Variants in SP140 observed in about 807,000 individuals in gnomAD.
SP140 encodes the protein nuclear body protein SP140.
A neutral mutation model predicts 125.0 loss-of-function variants in SP140; 81 were observed. The ratio of observed to expected loss-of-function variants is 0.65; its 90% CI spans 0.54 to 0.78. The LOEUF is 0.78. Among genes scored for constraint, SP140 ranks in the 30% least tolerant of loss-of-function variants. SP140 has a pLI of 0.00. For synonymous variants in SP140, 312 were observed against 354.0 expected, an observed-to-expected ratio of 0.88 and a Z score of 1.33; for missense variants, 858 against 1,037.0, an observed-to-expected ratio of 0.83 and a Z score of 2.37.
intron 10 of SP140, 100 bp downstream of exon 10, chr2:230,251,161 C>A: frequency 1.1e-6 from 1 of 948,664 alleles, no homozygotes; most frequent in Non-Finnish European, 1.6e-6. Flanking sequence ...GTATACTTCA[C>A]AGTGAAAGAA....
intron 1 of SP140, among the ~76,000 whole-genome samples, chr2:230,233,317 A>G (rs994944541): frequency 6.6e-6 from 1 of 152,096 alleles, no homozygotes; most frequent in African/African-American, 2.4e-5. Flanking sequence ...TCCTCACTCA[A>G]TTTAAAAAAC....
chr2:230,215,144 A>G (rs41309084), intron 3 of SP140: 442 of 1,566,922 alleles, frequency 2.8e-4, no homozygotes, highest in Non-Finnish European at 3.8e-4. Context: ...GAAGGTTTTT[A>G]TAAATGACTA....
intron 22 of SP140, among the ~76,000 whole-genome samples, chr2:230,301,038 A>C (rs991640233): frequency 2.0e-5 from 3 of 152,336 alleles, no homozygotes; most frequent in African/African-American, 7.2e-5. Context: ...GACTAGAACA[A>C]GTAGAAGAAT....
intron 20 of SP140, among the ~76,000 whole-genome samples, chr2:230,293,744 C>T (rs2057388041): frequency 6.6e-6 from 1 of 152,228 alleles, no homozygotes; most frequent in South Asian, 2.1e-4. Context: ...ATTGATTGAC[C>T]TGTCATGGGC....
At position 230,255,547 on chromosome 2, in the gene SP140, G is replaced by T. The variant is rs566176495; in HGVS notation, c.1240+15G>T. On this transcript the variant is annotated intron_variant, in intron 12 of 26. Coordinates refer to ENST00000392045, the MANE Select transcript of SP140 (RefSeq NM_007237.5). The stretch of plus-strand genomic sequence containing the variant: ...ACGTGGGTCAGGTAAGGACGGGGGG[G>T]GGGATTTCTGGCCCTGGGCTGCAGA... 151 of 1,610,050 alleles carry T rather than the reference G, an allele frequency of 9.4e-5. No individual in the cohort carries two copies. Among genetic ancestry groups the T allele is most frequent in the Middle Eastern group, 2.2e-4 (1 of 4,642 alleles).
intron 3 of SP140, among the ~76,000 whole-genome samples, chr2:230,240,888 A>C (rs1271500243): frequency 6.6e-6 from 1 of 152,202 alleles, no homozygotes; most frequent in South Asian, 2.1e-4. Context: ...AATAACTAAA[A>C]TCTGGAACCA....
chr2:230,289,450 A>G (rs2056865640), intron 18 of SP140, among the ~76,000 whole-genome samples: 1 of 152,150 alleles, frequency 6.6e-6, no homozygotes, highest in Admixed American at 6.5e-5. Context: ...TCCTGGTCCT[A>G]ATAGTCTGCC....
At chr2:230,222,424 G>C (rs2045897015), upstream of SP140, among the ~76,000 whole-genome samples, 1 of 152,128 alleles carries the variant, frequency 6.6e-6, no homozygotes, top group Non-Finnish European at 1.5e-5. Flanking sequence ...CAGTCAAGAT[G>C]TAGACCATTT....
chr2:230,217,033 G>C (rs2045268450), intron 3 of SP140: 1 of 855,166 alleles, frequency 1.2e-6, no homozygotes, highest in Non-Finnish European at 1.9e-6. Flanking sequence ...ATCACCTGAG[G>C]TCAAGAGATT....
chr2:230,204,323 C>G (rs1019583793), intron 1 of SP140, among the ~76,000 whole-genome samples: 1 of 152,172 alleles, frequency 6.6e-6, no homozygotes, highest in Non-Finnish European at 1.5e-5. Context: ...TTCCCTGTCT[C>G]CCTAATCCTA....
intron 12 of SP140, among the ~76,000 whole-genome samples, chr2:230,261,375 G>T (rs182529406): frequency 6.6e-6 from 1 of 152,170 alleles, no homozygotes; most frequent in Non-Finnish European, 1.5e-5. Context: ...GGTTTTCAAG[G>T]TATACAGTCA....
At chr2:230,264,303 G>A (rs1359787882) in intron 12 of SP140, among the ~76,000 whole-genome samples, 2 of 152,116 alleles carry the variant, frequency 1.3e-5, no homozygotes, top group Non-Finnish European at 2.9e-5. Flanking sequence ...CTAAAAGTGT[G>A]TCCAAAGTTT....
At chr2:230,260,509 G>T (rs949468280) in intron 12 of SP140, among the ~76,000 whole-genome samples, 1 of 152,090 alleles carries the variant, frequency 6.6e-6, no homozygotes, top group African/African-American at 2.4e-5. Flanking sequence ...GGTCATGAAG[G>T]CCTTGCCTAA....
intron 23 of SP140, chr2:230,310,369 C>T (rs2059225796): frequency 1.0e-5 from 5 of 480,962 alleles, no homozygotes; most frequent in Middle Eastern, 5.7e-4. Context: ...TGTGCTTATT[C>T]ATACAAGACA....
At chr2:230,275,676 C>A (rs1326208555) in intron 15 of SP140, among the ~76,000 whole-genome samples, 1 of 152,186 alleles carries the variant, frequency 6.6e-6, no homozygotes, top group Non-Finnish European at 1.5e-5. Context: ...GGAAGCGTCA[C>A]ATGTGTCTCA....
At chr2:230,308,738 C>T (rs1301412452) in intron 22 of SP140, among the ~76,000 whole-genome samples, 1 of 152,202 alleles carries the variant, frequency 6.6e-6, no homozygotes, top group African/African-American at 2.4e-5. Flanking sequence ...AAGGTGCAAG[C>T]GGTCCTCTTG....
chr2:230,193,311 AATCTGT>A, the SP140 span, among the ~76,000 whole-genome samples: 1 of 152,176 alleles, frequency 6.6e-6, no homozygotes, highest in Non-Finnish European at 1.5e-5. Context: ...CCATTCTGCC[AATCTGT>A]ATCTTTTAAG....
intron 1 of SP140, chr2:230,212,982 A>C: frequency 1.9e-6 from 3 of 1,614,038 alleles, no homozygotes; most frequent in Non-Finnish European, 2.5e-6. Context: ...TGGGGCTTCA[A>C]GTAGGATTGG....
At chr2:230,247,661 AG>A (rs1262383901) in intron 7 of SP140, among the ~76,000 whole-genome samples, 1 of 152,198 alleles carries the variant, frequency 6.6e-6, no homozygotes, top group African/African-American at 2.4e-5. Context: ...TGGGGTCATA[AG>A]GATTAAATCT....
Sources: allele counts gnomAD v4.1 joint callset (sites outside exome capture counted in the v4.1 genomes callset), GRCh38; gene constraint gnomAD v4.1.1; transcripts MANE v1.5; gene names NCBI Gene and HGNC (gene_info 2026-07-23, HGNC 2026-07-21).